Variants in SFR1 observed in about 807,000 individuals in gnomAD.
The protein encoded by SFR1 is swi5-dependent recombination DNA repair protein 1 homolog.
In SFR1, 24 loss-of-function variants were observed where a neutral mutation model predicts 26.2. The ratio of observed to expected loss-of-function variants is 0.92; its 90% CI spans 0.66 to 1.29. SFR1 has a LOEUF of 1.29. Among genes scored for constraint, SFR1 ranks in the 50% most tolerant of loss-of-function variants. SFR1 has a pLI of 0.00. For missense variants in SFR1, 276 were observed against 270.2 expected, an observed-to-expected ratio of 1.02 and a Z score of -0.15; for synonymous variants, 77 against 96.6, an observed-to-expected ratio of 0.80 and a Z score of 1.19.
Position 104,124,085 on chromosome 10 carries a change from T to C in SFR1, c.507T>C (p.Leu169=), listed in dbSNP as rs1229723199. 14 of 1,612,906 alleles carry C rather than the reference T, an allele frequency of 8.7e-6. No homozygotes were observed. The highest frequency in any genetic ancestry group is 1.7e-5 in the Admixed American group (1 of 59,752). The change falls in exon 3 of 4, where the codon CTT becomes CTC. Residue 169 remains leucine, a synonymous_variant. Coordinates refer to ENST00000369727, the MANE Select transcript of SFR1 (RefSeq NM_001002759.2). ...LVKQVQEKED[L]LRRLKLVKMY... Reference sequence around the variant, plus strand: ...AGCAGGTTCAGGAGAAAGAAGACCTTCTTCGGAGGCTAAAACTAGTCAAAA... The same window carrying C: ...AGCAGGTTCAGGAGAAAGAAGACCTCCTTCGGAGGCTAAAACTAGTCAAAA...
intron 2 of SFR1, 126 bp from the exon 3 acceptor site, chr10:104,123,588 A>G: frequency 1.6e-6 from 1 of 626,800 alleles, no homozygotes; most frequent in Non-Finnish European, 2.6e-6. Flanking sequence ...CCTTCTTTAG[A>G]TGTGGAGACA....
chr10:104,121,102 G>C (rs533962817), upstream of SFR1, among the ~76,000 whole-genome samples: 1 of 132,278 alleles, frequency 7.6e-6, no homozygotes, highest in African/African-American at 3.9e-5. Context: ...TACTGGAAGC[G>C]GGGCGCGGGG....
At position 104,123,798 on chromosome 10, in the gene SFR1, G is replaced by A. The variant is rs757433888; in HGVS notation, c.220G>A (p.Val74Ile). 2.5e-5 allele frequency: 40 copies of A among 1,612,780 alleles called. No homozygotes were observed. The highest frequency in any genetic ancestry group is 3.1e-5 in the Non-Finnish European group (36 of 1,179,802). Residue 74 changes from valine to isoleucine, a missense_variant, in exon 3 of 4, where the codon GTA (valine) becomes ATA (isoleucine). Physicochemically the swap from Val to Ile is conservative, Grantham distance 29. Transcript: ENST00000369727. ...SSYNVVKRLK[V>I]ESEENDQTFS... ...TTACAATGTGGTGAAACGTCTTAAAGTAGAGAGTGAAGAAAATGATCAGAC... is the reference window on the plus strand; with the variant it reads ...TTACAATGTGGTGAAACGTCTTAAAATAGAGAGTGAAGAAAATGATCAGAC...
intron 1 of SFR1, 171 bp downstream of exon 1, chr10:104,122,367 T>A (rs1406657462): frequency 1.0e-6 from 1 of 985,130 alleles, no homozygotes; most frequent in Admixed American, 6.2e-5. Context: ...AGGGGACGAC[T>A]CCCGCCCCTA....
intron 2 of SFR1, chr10:104,123,316 G>C: frequency 2.1e-6 from 1 of 474,504 alleles, no homozygotes; most frequent in South Asian, 4.0e-5. Context: ...TTCAGATTAG[G>C]TTATTACAAT....
intron 3 of SFR1, among the ~76,000 whole-genome samples, chr10:104,125,203 A>G (rs1023884083): frequency 6.6e-5 from 10 of 152,216 alleles, no homozygotes; most frequent in African/African-American, 2.2e-4. Flanking sequence ...TAAAAAGTAC[A>G]GTTGTAATAC....
intron 1 of SFR1, 79 bp downstream of exon 1, chr10:104,122,275 C>G (rs2086972271): frequency 6.8e-7 from 1 of 1,460,912 alleles, no homozygotes; most frequent in Non-Finnish European, 9.1e-7. Context: ...GTTGAGCTCC[C>G]TTTCCGGGTC....
intron 1 of SFR1, 47 bp downstream of exon 1, chr10:104,122,243 C>A: frequency 1.3e-6 from 2 of 1,512,606 alleles, no homozygotes; most frequent in Non-Finnish European, 1.8e-6. Context: ...TGGGCTTCCC[C>A]GGGAGTCGGC....
upstream of SFR1, among the ~76,000 whole-genome samples, chr10:104,120,211 C>A (rs2086948592): frequency 6.6e-6 from 1 of 152,190 alleles, no homozygotes; most frequent in African/African-American, 2.4e-5. Flanking sequence ...CTGCACTGTG[C>A]TTCTAGTGTC....
rs1415618330 is a variant in SFR1, at chr10:104,122,444, C to T, written c.13+248C>T. On this transcript the variant is annotated intron_variant, in intron 1 of 3. Transcript: ENST00000369727. ...TTTCAGTCCACTCTCCTTTTCAGTC[C>T]CTGTTGGCCGCTTAAACTAAAAGGC... The T allele has an allele frequency of 3.0e-6, 3 of 985,258 alleles. No individual in the cohort carries two copies. In the African/African-American group the frequency reaches 5.2e-5, roughly 17 times the overall value. The allele number at this position is 985,258 out of a possible 1,614,324, so 61.0% of individuals were successfully genotyped here.
At chr10:104,122,003 A>G, upstream of SFR1, 1 of 634,570 alleles carries the variant, frequency 1.6e-6, no homozygotes, top group Non-Finnish European at 2.7e-6. Context: ...CCCCGCCCCA[A>G]CCACCCGCTG....
At chr10:104,122,516 G>A (rs934337644) in intron 1 of SFR1, 1 of 985,322 alleles carries the variant, frequency 1.0e-6, no homozygotes, top group African/African-American at 1.7e-5. Context: ...TATGCCTCGG[G>A]CCGGCAGGGT....
rs181527467 is a variant in SFR1, at chr10:104,126,174, T to G, written c.*470T>G. On this transcript the variant is annotated 3_prime_UTR_variant, in exon 4 of 4. Coordinates refer to ENST00000369727, the MANE Select transcript of SFR1 (RefSeq NM_001002759.2). Reference sequence around the variant, plus strand: ...TTTAAGTCATGTTTAAAAAGTCATTTGGGCAGTTCTGGAAACTAGTTTTAA... The same window carrying G: ...TTTAAGTCATGTTTAAAAAGTCATTGGGGCAGTTCTGGAAACTAGTTTTAA... 1.5e-3 allele frequency: 230 copies of G among 152,846 alleles called. 1 individual carries two copies. Among genetic ancestry groups the G allele is most frequent in the Non-Finnish European group, 2.5e-3 (168 of 68,058 alleles). 9.5% of individuals were successfully genotyped at this position (152,846 alleles called of 1,614,324 possible).
rs764471953 is a variant in SFR1, at chr10:104,125,629, A to G, written c.663A>G (p.Gln221=). 7 of 1,613,242 alleles carry G rather than the reference A, an allele frequency of 4.3e-6. No individual in the cohort carries two copies. Among genetic ancestry groups the G allele is most frequent in the Non-Finnish European group, 5.9e-6 (7 of 1,179,206 alleles). ...AGAACAAGAAACTAAGCCTTACTCA[A>G]TTGATAGACCACTATGGGTTAGATG... The part of the protein sequence containing the change: ...SEENKKLSLT[Q]LIDHYGLDDK... Residue 221 remains glutamine, a synonymous_variant, in exon 4 of 4, where the codon CAA becomes CAG. Transcript: ENST00000369727.
chr10:104,122,637 A>T, intron 1 of SFR1: 1 of 1,315,708 alleles, frequency 7.6e-7, no homozygotes. Context: ...CTGTCATAAT[A>T]AAGAATTCCT....
At position 104,125,759 on chromosome 10, in the gene SFR1, C is replaced by A; in HGVS notation, c.*55C>A. The A allele has an allele frequency of 3.3e-6, 4 of 1,202,876 alleles. No homozygotes were observed. Among genetic ancestry groups the A allele is most frequent in the African/African-American group, 1.7e-5 (1 of 58,728 alleles). The allele number at this position is 1,202,876 out of a possible 1,614,324, so 74.5% of individuals were successfully genotyped here. A position where few individuals can be genotyped will look rare whatever the true frequency, so the allele number is the denominator to read the frequency against. On this transcript the variant is annotated 3_prime_UTR_variant, in exon 4 of 4. Coordinates refer to ENST00000369727, the MANE Select transcript of SFR1 (RefSeq NM_001002759.2). The stretch of plus-strand genomic sequence containing the variant: ...AGAATGACAACTTAATTAAAAGATA[C>A]TTAGGCACTTTTTTTTTTTTTTTGA...
upstream of SFR1, among the ~76,000 whole-genome samples, chr10:104,121,333 T>C (rs1367797157): frequency 1.3e-5 from 2 of 151,884 alleles, no homozygotes; most frequent in East Asian, 3.8e-4. Context: ...AAACGGTTTT[T>C]TGTTTACAAC....
At position 104,125,930 on chromosome 10, in the gene SFR1, T is replaced by C. The variant is rs2087022875; in HGVS notation, c.*226T>C. ...ACAGGCGCCCGCCACCATGCCCGGCTAATTTTTGCATTTTTAGTAGAGACT... is the reference window on the plus strand; with the variant it reads ...ACAGGCGCCCGCCACCATGCCCGGCCAATTTTTGCATTTTTAGTAGAGACT... On this transcript the variant is annotated 3_prime_UTR_variant, in exon 4 of 4. Transcript: ENST00000369727. 1.2e-5 allele frequency: 4 copies of C among 322,294 alleles called. No individual in the cohort carries two copies. In the Admixed American group the frequency reaches 1.4e-4, roughly 11 times the overall value. 20.0% of individuals were successfully genotyped at this position (322,294 alleles called of 1,614,324 possible). A position where few individuals can be genotyped will look rare whatever the true frequency, so the allele number is the denominator to read the frequency against.
chr10:104,125,284 TATC>T (rs770717327), intron 3 of SFR1, among the ~76,000 whole-genome samples: 1 of 152,194 alleles, frequency 6.6e-6, no homozygotes, highest in East Asian at 1.9e-4. Flanking sequence ...ATTTTTCCCT[TATC>T]ATAAAGATGG....
Sources: allele counts gnomAD v4.1 joint callset (sites outside exome capture counted in the v4.1 genomes callset), GRCh38; gene constraint gnomAD v4.1.1; transcripts MANE v1.5; gene names NCBI Gene and HGNC (gene_info 2026-07-23, HGNC 2026-07-21).